The following SAMD4A variants were observed in gnomAD, a reference collection of about 807,000 sequenced individuals.
SAMD4A encodes protein Smaug homolog 1.
Under a neutral mutation model 81.3 loss-of-function variants are expected in SAMD4A, and 33 were observed. That is an observed-to-expected ratio of 0.41 (90% confidence interval 0.31 to 0.54). The LOEUF (loss-of-function observed/expected upper bound fraction) is 0.54, where lower values mean the gene tolerates loss of function less well. SAMD4A is among the 20% of genes least tolerant of loss of function. The pLI is 0.37. For synonymous variants in SAMD4A, 389 were observed against 382.1 expected (o/e 1.02, Z -0.21); for missense variants, 854 against 951.1 (o/e 0.90, Z 1.34).
chr14:54,702,135 G>C lies in SAMD4A; in HGVS notation c.270G>C (p.Leu90=). The change falls in exon 3 of 13, where the codon CTG becomes CTC. Residue 90 remains leucine (L), a synonymous_variant. Coordinates refer to ENST00000554335, the MANE Select transcript of SAMD4A (RefSeq NM_015589.6). ...ISLLLTHLPL[L]KPGNLDAKVE... ...TCCTGTTAACTCATCTGCCTTTGCT[G>C]AAGCCAGGAAACCTCGACGCGAAAG... 2 of 1,614,138 alleles carry C rather than the reference G, an allele frequency of 1.2e-6. No individual in the cohort carries two copies. Among genetic ancestry groups the C allele is most frequent in the Non-Finnish European group, 1.7e-6 (2 of 1,180,018 alleles).
At chr14:54,650,537 CT>C (rs565029620) in intron 2 of SAMD4A, among the ~76,000 whole-genome samples, 62 of 152,304 alleles carry the variant, frequency 4.1e-4, no homozygotes, top group African/African-American at 1.4e-3. Context: ...GGGAACAGGA[CT>C]TCCTTCAGAC....
chr14:54,609,157 C>G (rs1018772347), intron 2 of SAMD4A, among the ~76,000 whole-genome samples: 3 of 152,068 alleles, frequency 2.0e-5, no homozygotes, highest in Non-Finnish European at 2.9e-5. Context: ...GAAGATTATC[C>G]CAGATTATTG....
chr14:54,771,857 T>C (rs1290267707), intron 9 of SAMD4A, among the ~76,000 whole-genome samples: 2 of 152,166 alleles, frequency 1.3e-5, no homozygotes, highest in Admixed American at 1.3e-4. Context: ...TTGTCATTGG[T>C]CCACATCCGA....
chr14:54,745,933 A>G (rs766610806), intron 4 of SAMD4A, among the ~76,000 whole-genome samples: 12 of 152,232 alleles, frequency 7.9e-5, no homozygotes, highest in Admixed American at 5.9e-4. Context: ...TAAAAGGTAG[A>G]TGGGAAGTTA....
chr14:54,729,262 A>T (rs2037500065), intron 3 of SAMD4A, among the ~76,000 whole-genome samples: 1 of 152,010 alleles, frequency 6.6e-6, no homozygotes, highest in African/African-American at 2.4e-5. Flanking sequence ...TAAGCGCGGG[A>T]TGGATGCTGT....
intron 2 of SAMD4A, among the ~76,000 whole-genome samples, chr14:54,600,158 G>C (rs2034016859): frequency 6.6e-6 from 1 of 152,076 alleles, no homozygotes; most frequent in Non-Finnish European, 1.5e-5. Flanking sequence ...TTAAATTATA[G>C]CTAAATGTCC....
At chr14:54,678,431 ATTTGTG>A (rs1566579809) in intron 2 of SAMD4A, among the ~76,000 whole-genome samples, 2 of 77,358 alleles carry the variant, frequency 2.6e-5, no homozygotes, top group African/African-American at 5.0e-5. Flanking sequence ...GGCAGTCACC[ATTTGTG>A]TGTGTGTGTG....
intron 2 of SAMD4A, among the ~76,000 whole-genome samples, chr14:54,680,903 G>A (rs1344025157): frequency 6.6e-6 from 1 of 152,220 alleles, no homozygotes; most frequent in Non-Finnish European, 1.5e-5. Context: ...GCCAGAGAGA[G>A]AAGAATAAAG....
At chr14:54,643,309 TACAA>T (rs1191758261) in intron 2 of SAMD4A, among the ~76,000 whole-genome samples, 2 of 152,368 alleles carry the variant, frequency 1.3e-5, no homozygotes, top group East Asian at 3.9e-4. Flanking sequence ...CCTAACTCAA[TACAA>T]ACAAACTGCC....
At chr14:54,693,964 A>C (rs1053249303) in intron 2 of SAMD4A, 23 of 152,672 alleles carry the variant, frequency 1.5e-4, no homozygotes, top group African/African-American at 5.3e-4. Context: ...GAGGCTAAAC[A>C]TGGGTGTGGG....
intron 4 of SAMD4A, among the ~76,000 whole-genome samples, chr14:54,737,542 C>CT (rs758410575): frequency 0.04 from 3,451 of 85,428 alleles, 181 homozygotes; most frequent in African/African-American, 0.1. Flanking sequence ...CTCTCTCTCT[C>CT]TTTTTTTTTT....
intron 2 of SAMD4A, among the ~76,000 whole-genome samples, chr14:54,618,937 C>A (rs1405269503): frequency 6.6e-6 from 1 of 152,058 alleles, no homozygotes; most frequent in Non-Finnish European, 1.5e-5. Context: ...GGACTAGCAT[C>A]ATAAAAAAGT....
chr14:54,690,382 C>T (rs532817090), intron 2 of SAMD4A, among the ~76,000 whole-genome samples: 1 of 151,888 alleles, frequency 6.6e-6, no homozygotes, highest in South Asian at 2.1e-4. Flanking sequence ...GAGATTCAAA[C>T]AGCCAGAGGT....
At chr14:54,578,120 C>T (rs1187704600) in intron 2 of SAMD4A, among the ~76,000 whole-genome samples, 1 of 152,168 alleles carries the variant, frequency 6.6e-6, no homozygotes, top group Non-Finnish European at 1.5e-5. Flanking sequence ...TTCTCAATAA[C>T]CCTATGAGAT....
chr14:54,591,760 C>T (rs114783718), intron 2 of SAMD4A, among the ~76,000 whole-genome samples: 1 of 152,106 alleles, frequency 6.6e-6, no homozygotes, highest in Non-Finnish European at 1.5e-5. Flanking sequence ...AGTTCTTTCC[C>T]TTTTATTTCT....
rs57819180 is a variant in SAMD4A, at chr14:54,576,001, C to CTTTTTTTTTT, written c.196+7917_196+7926dup. ...CCAGGAAAGATTTCTTTCTTTCTTTCTTTTTTTTTTTTTTTTTTTTTTTTT... is the reference window on the plus strand; with the variant it reads ...CCAGGAAAGATTTCTTTCTTTCTTTCTTTTTTTTTTTTTTTTTTTTTTTTTTTTTTTTTTT... On this transcript the variant is annotated intron_variant, in intron 2 of 12. Coordinates refer to ENST00000554335, the MANE Select transcript of SAMD4A (RefSeq NM_015589.6). 1.4e-3 allele frequency among the ~76,000 whole-genome samples: 110 copies of CTTTTTTTTTT among 79,994 alleles called. 11 individuals carry two copies. Among genetic ancestry groups the CTTTTTTTTTT allele is most frequent in the East Asian group, 6.5e-3 (13 of 1,988 alleles). The allele number at this position is 79,994 out of a possible 152,430, so 52.5% of individuals were successfully genotyped here.
intron 2 of SAMD4A, among the ~76,000 whole-genome samples, chr14:54,572,580 A>T (rs1017253443): frequency 6.6e-6 from 1 of 152,216 alleles, no homozygotes; most frequent in African/African-American, 2.4e-5. Flanking sequence ...AGAAGGAAGG[A>T]TGGAAATAGA....
At chr14:54,759,884 G>C (rs1261058324) in intron 6 of SAMD4A, among the ~76,000 whole-genome samples, 1 of 152,176 alleles carries the variant, frequency 6.6e-6, no homozygotes, top group East Asian at 1.9e-4. Flanking sequence ...AGGCAGAAAA[G>C]GAAATATACC....
At chr14:54,725,187 A>T (rs376805295) in intron 3 of SAMD4A, among the ~76,000 whole-genome samples, 6 of 152,342 alleles carry the variant, frequency 3.9e-5, no homozygotes, top group African/African-American at 1.2e-4. Flanking sequence ...TAATGGAGGT[A>T]CTTAGAATCT....
Sources: gnomAD v4.1 joint callset for allele counts (sites outside exome capture counted in the v4.1 genomes callset) on GRCh38, gnomAD v4.1.1 for gene constraint, MANE v1.5 for transcripts, NCBI Gene and HGNC (gene_info 2026-07-23, HGNC 2026-07-21) for gene names.